The following IK variants were observed in gnomAD, a reference collection of about 807,000 sequenced individuals.
The protein encoded by IK is IK cytokine, also known as protein Red.
A neutral mutation model predicts 90.9 loss-of-function variants in IK; 47 were observed. That is an observed-to-expected ratio of 0.52 (90% CI 0.41 to 0.66). The LOEUF (loss-of-function observed/expected upper bound fraction) is 0.66. IK is among the 30% of genes least tolerant of loss of function. The pLI, the probability that IK is intolerant of heterozygous loss-of-function variation, is 0.00. For synonymous variants in IK, 201 were observed against 227.5 expected (o/e 0.88, Z 1.05); for missense variants, 385 against 709.3 (o/e 0.54, Z 5.19).
intron 1 of IK, 54 bp downstream of exon 1, chr5:140,647,978 G>A: frequency 6.3e-7 from 1 of 1,575,140 alleles, no homozygotes; most frequent in Non-Finnish European, 8.7e-7. Context: ...GGCACTTGGC[G>A]CATTATTGTA....
Position 140,653,928 on chromosome 5 carries a change from C to A in IK, c.405-10C>A. On this transcript the variant is annotated splice_polypyrimidine_tract_variant and intron_variant, in intron 5 of 19. Transcript: ENST00000417647. ...AGTACTGTTCTTATGTGGCCTCTTT[C>A]ATTATACAGGGACAAATCAGCTGCA... is the stretch of plus-strand genomic sequence containing the variant. The A allele has an allele frequency of 6.3e-7, 1 of 1,575,692 alleles. No individual in the cohort carries two copies. The highest frequency in any genetic ancestry group is 8.7e-7 in the Non-Finnish European group (1 of 1,147,286).
intron 13 of IK, 115 bp downstream of exon 13, chr5:140,659,448 G>A: frequency 8.9e-7 from 1 of 1,127,278 alleles, no homozygotes; most frequent in Non-Finnish European, 1.3e-6. Context: ...GTTCTTGTAA[G>A]AACTGTGTCT....
intron 18 of IK, 62 bp from the exon 19 acceptor site, chr5:140,662,117 C>A (rs1757809718): frequency 1.2e-6 from 2 of 1,605,860 alleles, no homozygotes; most frequent in Non-Finnish European, 1.7e-6. Context: ...AGAGGTCAGC[C>A]TTGGGCCTCA....
chr5:140,661,735 G>T lies in IK; in HGVS notation c.1502+27G>T, dbSNP rs749582253. 6.5e-7 allele frequency: 1 copy of T among 1,547,676 alleles called. No individual in the cohort carries two copies. Among genetic ancestry groups the T allele is most frequent in the Non-Finnish European group, 8.9e-7 (1 of 1,128,818 alleles). The stretch of plus-strand genomic sequence containing the variant: ...TGAGTCGGTACTGAATATGGGCAGG[G>T]TGTGAGGAGGGGTGTGGGGATTTGG... On this transcript the variant is annotated intron_variant, in intron 17 of 19. Transcript: ENST00000417647. This position sits in a 1 kb window ranked among gnomAD's most constrained non-coding sequence, Gnocchi z 4.2.
chr5:140,659,339 T>C lies in IK; in HGVS notation c.1195+6T>C. On this transcript the variant is annotated splice_donor_region_variant and intron_variant, in intron 13 of 19. Transcript: ENST00000417647. ...GCCCATGGACGTTGACAAAGGTGAG[T>C]TGTACACACAGCATCTCACAGTTGC... 1.9e-6 allele frequency: 3 copies of C among 1,613,902 alleles called. No individual in the cohort carries two copies. The highest frequency in any genetic ancestry group is 1.6e-4 in the Middle Eastern group (1 of 6,062).
chr5:140,648,085 G>A (rs979841264), intron 1 of IK, 161 bp downstream of exon 1: 1 of 869,928 alleles, frequency 1.1e-6, no homozygotes, highest in Non-Finnish European at 1.9e-6. Flanking sequence ...AGAAGCCACA[G>A]GGTCCTAAGT....
chr5:140,662,145 A>G, intron 18 of IK, 34 bp from the exon 19 acceptor site: 1 of 1,613,532 alleles, frequency 6.2e-7, no homozygotes, highest in Non-Finnish European at 8.5e-7. Context: ...TTAGATGGGC[A>G]GCTTGGTGAT....
intron 5 of IK, among the ~76,000 whole-genome samples, chr5:140,653,412 G>T (rs566368924): frequency 6.7e-6 from 1 of 150,332 alleles, no homozygotes; most frequent in Non-Finnish European, 1.5e-5. Context: ...TCAGCCTCCC[G>T]AGTAGCTGGG....
Position 140,661,078 on chromosome 5 carries a change from A to G in IK, c.1413+263A>G. 4.7e-6 allele frequency: 2 copies of G among 428,010 alleles called. No homozygotes were observed. The highest frequency in any genetic ancestry group is 8.2e-6 in the Non-Finnish European group (2 of 243,286). 26.5% of individuals were successfully genotyped at this position (428,010 alleles called of 1,614,324 possible). ...GGCTTTGATTCCCATGGTAGGCAGT[A>G]AGCAAGCATCAATGCATAAGTAGAA... On this transcript the variant is annotated intron_variant, in intron 16 of 19. Coordinates refer to ENST00000417647, the MANE Select transcript of IK (RefSeq NM_006083.4). The surrounding 1 kb of genome is among the most constrained non-coding windows in gnomAD (Gnocchi z 4.2).
At chr5:140,658,586 C>T in intron 10 of IK, 151 bp from the exon 11 acceptor site, 1 of 641,620 alleles carries the variant, frequency 1.6e-6, no homozygotes, top group Non-Finnish European at 2.8e-6. Flanking sequence ...TCCCGAAGTG[C>T]TGGGATTACA....
In IK at chr5:140,661,764, A is replaced by G; in HGVS notation, c.1502+56A>G. 1.4e-6 allele frequency: 2 copies of G among 1,438,594 alleles called. No individual in the cohort carries two copies. The highest frequency in any genetic ancestry group is 2.4e-5 in the South Asian group (2 of 82,650). The allele number at this position is 1,438,594 out of a possible 1,614,324, so 89.1% of individuals were successfully genotyped here. A position where few individuals can be genotyped will look rare whatever the true frequency, so the allele number is the denominator to read the frequency against. The stretch of plus-strand genomic sequence containing the variant: ...GAGGAGGGGTGTGGGGATTTGGTGG[A>G]ATAGTGCATATAAGGTTAGAGGGTG... On this transcript the variant is annotated intron_variant, in intron 17 of 19. Transcript: ENST00000417647. The surrounding 1 kb of genome is among the most constrained non-coding windows in gnomAD (Gnocchi z 4.2).
In IK at chr5:140,653,139, T is replaced by C; in HGVS notation, c.399T>C (p.Ala133=). The change falls in exon 5 of 20, where the codon GCT becomes GCC. Residue 133 remains alanine (A), a synonymous_variant. Coordinates refer to ENST00000417647, the MANE Select transcript of IK (RefSeq NM_006083.4). ...TANYRAVGPT[A]EADKSAAEKR... is the part of the protein sequence containing the mutation. ...ACTATAGGGCTGTTGGCCCCACTGC[T>C]GAGGCGTGAGTACTGAGGGAACAGG... 2 of 1,613,704 alleles carry C rather than the reference T, an allele frequency of 1.2e-6. No individual in the cohort carries two copies. The highest frequency in any genetic ancestry group is 1.7e-6 in the Non-Finnish European group (2 of 1,179,718).
At chr5:140,654,427 A>G (rs1757671353) in intron 6 of IK, 89 bp from the exon 7 acceptor site, 1 of 981,796 alleles carries the variant, frequency 1.0e-6, no homozygotes, top group African/African-American at 1.6e-5. Context: ...GTTTAATATT[A>G]TATTCTTAGT....
chr5:140,654,637 GTTAGAGCACATT>G (rs771065050), intron 7 of IK, 32 bp from the exon 8 acceptor site: 19 of 1,582,232 alleles, frequency 1.2e-5, no homozygotes, highest in Middle Eastern at 1.7e-4. Flanking sequence ...GGGACCTAAA[GTTAGAGCACATT>G]TAGCAAAAAT....
At chr5:140,662,274 T>C in intron 19 of IK, 28 bp from the exon 20 acceptor site, 2 of 1,614,018 alleles carry the variant, frequency 1.2e-6, no homozygotes, top group Admixed American at 1.7e-5. Flanking sequence ...ATTGATCTTA[T>C]ACTGACCCAT....
At chr5:140,657,774 G>C (rs1175249887) in intron 10 of IK, 112 bp downstream of exon 10, 2 of 681,472 alleles carry the variant, frequency 2.9e-6, no homozygotes, top group African/African-American at 3.6e-5. Context: ...CTGGGAAGCA[G>C]AGAAAAATGG....
intron 10 of IK, 121 bp downstream of exon 10, chr5:140,657,783 G>T: frequency 1.5e-6 from 1 of 652,060 alleles, no homozygotes; most frequent in East Asian, 2.7e-5. Context: ...AGAGAAAAAT[G>T]GGAGTACTGG....
chr5:140,654,549 G>A lies in IK; in HGVS notation c.553G>A (p.Glu185Lys), dbSNP rs1757673445. The change falls in exon 7 of 20, where the codon GAA becomes AAA. Residue 185 changes from glutamate (E) to lysine (K), a missense_variant. Transcript: ENST00000417647. Reference sequence around the variant, plus strand: ...TGAGATTGCCAGCAAAGAGAAAGAGGAAGAGGAACTGATGGAAAAGCCCCA... The same window carrying A: ...TGAGATTGCCAGCAAAGAGAAAGAGAAAGAGGAACTGATGGAAAAGCCCCA... The part of the protein sequence containing the change: ...RAEIASKEKE[E>K]EELMEKPQKE... 6.3e-7 allele frequency: 1 copy of A among 1,591,634 alleles called. No homozygotes were observed.
Position 140,654,055 on chromosome 5 carries a change from G to C in IK, c.519+3G>C, listed in dbSNP as rs766306310. The stretch of plus-strand genomic sequence containing the variant: ...TGGATTTTGCTCTGCTTCAAAAGGT[G>C]AGTCCTGGTGGTCAGGTGGGGAGTA... On this transcript the variant is annotated splice_donor_region_variant and intron_variant, in intron 6 of 19. Transcript: ENST00000417647. 6.4e-7 allele frequency: 1 copy of C among 1,557,886 alleles called. No homozygotes were observed. Among genetic ancestry groups the C allele is most frequent in the Non-Finnish European group, 8.9e-7 (1 of 1,129,274 alleles).
Sources: allele counts gnomAD v4.1 joint callset (sites outside exome capture counted in the v4.1 genomes callset), GRCh38; gene constraint gnomAD v4.1.1; non-coding constraint Gnocchi (gnomAD v3.1); transcripts MANE v1.5; gene names NCBI Gene and HGNC (gene_info 2026-07-23, HGNC 2026-07-21).